Variants in CCDC178 observed in about 807,000 individuals in gnomAD.
CCDC178 encodes coiled-coil domain containing 178.
In CCDC178, 126 loss-of-function variants were observed where a neutral mutation model predicts 117.4. The observed-to-expected ratio is 1.07, with a 90% CI of 0.93 to 1.24. The LOEUF (loss-of-function observed/expected upper bound fraction) is 1.24, where lower values mean the gene tolerates loss of function less well. CCDC178 is among the 50% of genes most tolerant of loss of function. CCDC178 has a pLI of 0.00. For synonymous variants in CCDC178, 283 were observed against 313.4 expected, an observed-to-expected ratio of 0.90 and a Z score of 1.02; for missense variants, 1,030 against 986.9, an observed-to-expected ratio of 1.04 and a Z score of -0.59.
At chr18:33,356,035 G>A (rs1312955059) in intron 7 of CCDC178, among the ~76,000 whole-genome samples, 1 of 152,082 alleles carries the variant, frequency 6.6e-6, no homozygotes, top group Admixed American at 6.5e-5. Flanking sequence ...TCCCCTAGTG[G>A]TTATTAAATT....
intron 10 of CCDC178, among the ~76,000 whole-genome samples, chr18:33,326,009 T>G (rs1222381630): frequency 1.3e-5 from 2 of 152,196 alleles, no homozygotes; most frequent in African/African-American, 4.8e-5. Context: ...CTCCCCTTCC[T>G]ATTTTAAAAG....
intron 6 of CCDC178, among the ~76,000 whole-genome samples, chr18:33,363,650 A>T (rs1222322906): frequency 6.6e-6 from 1 of 151,994 alleles, no homozygotes; most frequent in Non-Finnish European, 1.5e-5. Flanking sequence ...TCCCTTCTTC[A>T]CTGTGTATAC....
chr18:33,029,538 T>C (rs1390430505), intron 21 of CCDC178, among the ~76,000 whole-genome samples: 1 of 151,992 alleles, frequency 6.6e-6, no homozygotes, highest in Non-Finnish European at 1.5e-5. Flanking sequence ...TATTTCCTTT[T>C]TATATCCTTG....
chr18:33,063,838 C>T (rs1363407805), intron 21 of CCDC178, among the ~76,000 whole-genome samples: 2 of 152,224 alleles, frequency 1.3e-5, no homozygotes, highest in African/African-American at 4.8e-5. Flanking sequence ...ACCAGCTTGC[C>T]TGGCATTCAC....
intron 2 of CCDC178, among the ~76,000 whole-genome samples, chr18:33,429,849 A>C (rs2064182636): frequency 6.6e-6 from 1 of 152,220 alleles, no homozygotes; most frequent in Non-Finnish European, 1.5e-5. Flanking sequence ...AAGTAAGCTT[A>C]AACTTGAGAT....
chr18:33,007,023 T>C (rs1463464674), intron 21 of CCDC178, among the ~76,000 whole-genome samples: 2 of 152,098 alleles, frequency 1.3e-5, no homozygotes, highest in African/African-American at 4.8e-5. Flanking sequence ...ATGTGGAAAT[T>C]GTGAGTTAAT....
intron 11 of CCDC178, among the ~76,000 whole-genome samples, chr18:33,300,537 T>C (rs557612540): frequency 3.9e-4 from 60 of 152,278 alleles, no homozygotes; most frequent in African/African-American, 1.3e-3. Flanking sequence ...ACCAAAATAC[T>C]GATAGAAACG....
chr18:33,220,090 T>A (rs1278018936), intron 18 of CCDC178, among the ~76,000 whole-genome samples: 2 of 152,008 alleles, frequency 1.3e-5, no homozygotes, highest in African/African-American at 4.8e-5. Context: ...GAATACATAC[T>A]AACTTGGGGG....
At chr18:33,019,113 A>C (rs940618482) in intron 21 of CCDC178, among the ~76,000 whole-genome samples, 1 of 152,100 alleles carries the variant, frequency 6.6e-6, no homozygotes, top group African/African-American at 2.4e-5. Context: ...TTCATATTTA[A>C]GTGTGTTGAG....
intron 19 of CCDC178, among the ~76,000 whole-genome samples, chr18:33,213,099 T>A (rs999868953): frequency 3.9e-5 from 6 of 151,972 alleles, no homozygotes; most frequent in African/African-American, 1.4e-4. Flanking sequence ...AACCACTCTA[T>A]GAAATAATAA....
chr18:33,310,961 G>A (rs1390237674), intron 11 of CCDC178, among the ~76,000 whole-genome samples: 2 of 152,004 alleles, frequency 1.3e-5, no homozygotes, highest in Non-Finnish European at 2.9e-5. Flanking sequence ...GTCCTGGCAT[G>A]TCTCCAATGG....
chr18:33,228,572 C>T (rs1053197474), intron 15 of CCDC178, among the ~76,000 whole-genome samples: 4 of 152,202 alleles, frequency 2.6e-5, no homozygotes, highest in African/African-American at 7.2e-5. Context: ...CCAACTCAGC[C>T]TGTTACCAGT....
chr18:33,225,291 T>G (rs1014728765), intron 16 of CCDC178, among the ~76,000 whole-genome samples: 16 of 151,956 alleles, frequency 1.1e-4, no homozygotes, highest in African/African-American at 3.9e-4. Context: ...GCCTTCTCAG[T>G]AGCTGGAATT....
intron 15 of CCDC178, among the ~76,000 whole-genome samples, chr18:33,241,471 G>A (rs896749592): frequency 6.7e-6 from 1 of 148,328 alleles, no homozygotes; most frequent in Non-Finnish European, 1.5e-5. Flanking sequence ...TGTGTGTGTA[G>A]AGAGAGACTC....
intron 18 of CCDC178, among the ~76,000 whole-genome samples, chr18:33,217,678 T>C (rs1226317131): frequency 6.6e-6 from 1 of 152,026 alleles, no homozygotes; most frequent in Non-Finnish European, 1.5e-5. Flanking sequence ...CAGAAGCAAA[T>C]TAATAAAAGA....
At chr18:33,306,968 T>C (rs1003380478) in intron 11 of CCDC178, among the ~76,000 whole-genome samples, 16 of 152,178 alleles carry the variant, frequency 1.1e-4, no homozygotes, top group African/African-American at 3.9e-4. Flanking sequence ...TTGCTTCCCC[T>C]TCCACTATGA....
intron 21 of CCDC178, among the ~76,000 whole-genome samples, chr18:33,066,607 T>C (rs2057020889): frequency 6.6e-6 from 1 of 152,142 alleles, no homozygotes; most frequent in Non-Finnish European, 1.5e-5. Context: ...CTACCAGAAA[T>C]TCACTTCATC....
chr18:33,306,785 CCATG>C (rs2062261636), intron 11 of CCDC178, among the ~76,000 whole-genome samples: 2 of 151,778 alleles, frequency 1.3e-5, no homozygotes, highest in African/African-American at 2.4e-5. Flanking sequence ...CCCATAATCC[CCATG>C]TGTCCTTGGA....
At chr18:33,319,148 G>A (rs540451934) in intron 11 of CCDC178, among the ~76,000 whole-genome samples, 23 of 151,808 alleles carry the variant, frequency 1.5e-4, no homozygotes, top group African/African-American at 5.3e-4. Flanking sequence ...CCCATTAGCT[G>A]GTCATTTACA....
Sources: gnomAD v4.1 joint callset for allele counts (sites outside exome capture counted in the v4.1 genomes callset) on GRCh38, gnomAD v4.1.1 for gene constraint, MANE v1.5 for transcripts, NCBI Gene and HGNC (gene_info 2026-07-23, HGNC 2026-07-21) for gene names.